Variants in LRIG1 observed in about 807,000 individuals in gnomAD.
LRIG1 encodes leucine-rich repeats and immunoglobulin-like domains protein 1.
LRIG1 carries 48 observed loss-of-function variants against 99.2 expected under a neutral mutation model. The ratio of observed to expected loss-of-function variants is 0.48; its 90% confidence interval spans 0.38 to 0.62. LRIG1 has a LOEUF of 0.62. LRIG1 is among the 20% of genes least tolerant of loss of function. The pLI, the probability that LRIG1 is intolerant of heterozygous loss-of-function variation, is 0.00. For missense variants in LRIG1, 1,646 were observed against 1,434.4 expected, an observed-to-expected ratio of 1.15 and a Z score of -2.38; for synonymous variants, 772 against 596.1, an observed-to-expected ratio of 1.29 and a Z score of -4.30.
chr3:66,437,722 G>A (rs76050712), intron 3 of LRIG1, among the ~76,000 whole-genome samples: 5,489 of 152,178 alleles, frequency 0.036, 312 homozygotes, highest in African/African-American at 0.12. Flanking sequence ...AAGGAAAGAC[G>A]GACGTGGCTA....
In LRIG1 at chr3:66,386,652, G is replaced by A. The variant is rs142033928; in HGVS notation, c.1469-351C>T. On this transcript the variant is annotated intron_variant, in intron 12 of 18. Coordinates refer to ENST00000273261, the MANE Select transcript of LRIG1 (RefSeq NM_015541.3). Reference sequence around the variant, plus strand: ...CAGTCAGGCACCACTGGTCATGACTGCAGAGATCTTACCCACAAACCTTAC... The same window carrying A: ...CAGTCAGGCACCACTGGTCATGACTACAGAGATCTTACCCACAAACCTTAC... The A allele has an allele frequency of 3.6e-3, 787 of 220,542 alleles. 2 individuals carry two copies. The highest frequency in any genetic ancestry group is 5.2e-3 in the Non-Finnish European group (578 of 110,576). The allele number at this position is 220,542 out of a possible 1,614,324, so 13.7% of individuals were successfully genotyped here. A position where few individuals can be genotyped will look rare whatever the true frequency, so the allele number is the denominator to read the frequency against.
intron 2 of LRIG1, among the ~76,000 whole-genome samples, chr3:66,454,544 A>G (rs1340636777): frequency 6.6e-6 from 1 of 152,046 alleles, no homozygotes; most frequent in African/African-American, 2.4e-5. Flanking sequence ...CTCTCCCCAC[A>G]ATTTACTTCC....
At chr3:66,390,597 A>G (rs1315870120) in intron 12 of LRIG1, among the ~76,000 whole-genome samples, 1 of 152,224 alleles carries the variant, frequency 6.6e-6, no homozygotes, top group African/African-American at 2.4e-5. Flanking sequence ...TACTGCAGAA[A>G]TTGACAAGCT....
intron 14 of LRIG1, 118 bp downstream of exon 14, chr3:66,383,873 T>TCAAA: frequency 7.1e-7 from 1 of 1,411,634 alleles, no homozygotes; most frequent in Non-Finnish European, 9.4e-7. Flanking sequence ...GCCCCAAATT[T>TCAAA]CAAACAGGGT....
At chr3:66,392,182 GTT>G (rs1701645430) in intron 12 of LRIG1, among the ~76,000 whole-genome samples, 1 of 152,102 alleles carries the variant, frequency 6.6e-6, no homozygotes, top group Non-Finnish European at 1.5e-5. Flanking sequence ...ACCACCTTTT[GTT>G]TATCCAGTCA....
chr3:66,422,726 G>T (rs1190370266), intron 3 of LRIG1, among the ~76,000 whole-genome samples: 1 of 152,124 alleles, frequency 6.6e-6, no homozygotes, highest in African/African-American at 2.4e-5. Context: ...TATGTTTTCA[G>T]CAATGTCCCA....
intron 3 of LRIG1, among the ~76,000 whole-genome samples, chr3:66,430,655 T>C (rs903493261): frequency 2.6e-5 from 4 of 151,768 alleles, no homozygotes; most frequent in African/African-American, 9.7e-5. Context: ...GCTTGAGGAG[T>C]TAGTTCCATG....
In LRIG1 at chr3:66,384,148, C is replaced by T. The variant is rs199768862; in HGVS notation, c.1914G>A (p.Thr638=). 3.2e-5 allele frequency: 51 copies of T among 1,614,204 alleles called. No homozygotes were observed. The highest frequency in any genetic ancestry group is 4.1e-5 in the Non-Finnish European group (48 of 1,180,036). ...GTCGCTCACGGGCAGCGGGGAAATC[C>T]GTGCCTCCATCCTTCTGCCAGGCAA... ...PQIAWQKDGG[T]DFPAARERRM... The change falls in exon 14 of 19, where the codon ACG becomes ACA. Residue 638 remains threonine, a synonymous_variant. Coordinates refer to ENST00000273261, the MANE Select transcript of LRIG1 (RefSeq NM_015541.3).
At chr3:66,384,342 A>G in intron 13 of LRIG1, 70 bp from the exon 14 acceptor site, 1 of 1,489,620 alleles carries the variant, frequency 6.7e-7, no homozygotes, top group Non-Finnish European at 9.2e-7. Flanking sequence ...TCCTCTGGCA[A>G]ACACCTACCT....
intron 13 of LRIG1, among the ~76,000 whole-genome samples, chr3:66,385,743 C>A (rs1256337050): frequency 6.6e-6 from 1 of 152,262 alleles, no homozygotes; most frequent in Non-Finnish European, 1.5e-5. Flanking sequence ...TGAGCCACAG[C>A]ACCCGGCCAA....
intron 10 of LRIG1, 149 bp downstream of exon 10, chr3:66,398,821 C>T (rs2107982557): frequency 1.5e-6 from 1 of 667,746 alleles, no homozygotes; most frequent in South Asian, 1.8e-5. Flanking sequence ...AAGGCCAAAG[C>T]TGAAGCTGAC....
In LRIG1 at chr3:66,394,080, A is replaced by C. The variant is rs778485759; in HGVS notation, c.1428T>G (p.Gly476=). 6.2e-7 allele frequency: 1 copy of C among 1,613,858 alleles called. No homozygotes were observed. The highest frequency in any genetic ancestry group is 8.5e-7 in the Non-Finnish European group (1 of 1,179,922). ...CTGGTGGCACAGAGAAAATGCTCTG[A>C]CCCTTCAGTGATTCTGGGTGGGCAC... ...ATCAHPESLK[G]QSIFSVPPES... The change falls in exon 12 of 19, where the codon GGT becomes GGG. Residue 476 remains glycine, a synonymous_variant. Coordinates refer to ENST00000273261, the MANE Select transcript of LRIG1 (RefSeq NM_015541.3).
At chr3:66,383,565 G>C (rs1021997328) in intron 14 of LRIG1, among the ~76,000 whole-genome samples, 164 bp from the exon 15 acceptor site, 4 of 152,186 alleles carry the variant, frequency 2.6e-5, no homozygotes, top group African/African-American at 9.7e-5. Flanking sequence ...CATTGACTGA[G>C]TCATCTCCAT....
intron 9 of LRIG1, among the ~76,000 whole-genome samples, chr3:66,403,369 T>G (rs1428601426): frequency 6.6e-6 from 1 of 152,176 alleles, no homozygotes; most frequent in African/African-American, 2.4e-5. Context: ...GCTTCCCCAC[T>G]TGGATGCATG....
chr3:66,492,507 G>T (rs1248258341), intron 1 of LRIG1, among the ~76,000 whole-genome samples: 8 of 152,068 alleles, frequency 5.3e-5, no homozygotes, highest in Non-Finnish European at 8.8e-5. Flanking sequence ...TTGTAAGAGA[G>T]ACCTTCACTC....
At chr3:66,492,225 A>G (rs188898020) in intron 1 of LRIG1, among the ~76,000 whole-genome samples, 4 of 152,350 alleles carry the variant, frequency 2.6e-5, no homozygotes, top group African/African-American at 4.8e-5. Flanking sequence ...AATCCTTCTC[A>G]TTGCATTTAA....
chr3:66,381,492 C>T lies in LRIG1; in HGVS notation c.2757G>A (p.Gly919=), dbSNP rs752535811. The T allele has an allele frequency of 6.2e-6, 10 of 1,613,516 alleles. No homozygotes were observed. The highest frequency in any genetic ancestry group is 8.5e-6 in the Non-Finnish European group (10 of 1,179,492). The change falls in exon 17 of 19, where the codon GGG becomes GGA. Residue 919 remains glycine, a synonymous_variant. Transcript: ENST00000273261. ...AGCATCTCATACCCATCTTATGTGG[C>T]CCAGGTGTCCCTTCAGCTTTCTCCA... The part of the protein sequence containing the change: ...KAMEKAEGTP[G]PHKMEHGGRV...
Position 66,383,391 on chromosome 3 carries a change from G to C in LRIG1, c.2082C>G (p.Ser694=). 1 of 1,557,788 alleles carries C rather than the reference G, an allele frequency of 6.4e-7. No homozygotes were observed. The highest frequency in any genetic ancestry group is 1.8e-5 in the Admixed American group (1 of 56,526). The change falls in exon 15 of 19, where the codon TCC becomes TCG. Residue 694 remains serine, a synonymous_variant. Transcript: ENST00000273261. ...CACGGTCTTCCAAGGGGACCACCAA[G>C]GATGGGGTCTCTACAAGAGAGCAAC... The part of the protein sequence containing the change: ...NATLTVLETP[S]LVVPLEDRVV...
At chr3:66,489,122 C>T (rs966839141) in intron 1 of LRIG1, among the ~76,000 whole-genome samples, 1 of 152,152 alleles carries the variant, frequency 6.6e-6, no homozygotes, top group African/African-American at 2.4e-5. Flanking sequence ...CACTCCTCCT[C>T]AATAATATCT....
Sources: allele counts gnomAD v4.1 joint callset (sites outside exome capture counted in the v4.1 genomes callset), GRCh38; gene constraint gnomAD v4.1.1; transcripts MANE v1.5; gene names NCBI Gene and HGNC (gene_info 2026-07-23, HGNC 2026-07-21).